The following ABCA1 variants were observed in gnomAD, a reference collection of about 807,000 sequenced individuals.
ABCA1 encodes the protein phospholipid-transporting ATPase ABCA1.
In ABCA1, 133 loss-of-function variants were observed where a neutral mutation model predicts 262.5. The observed-to-expected ratio is 0.51, with a 90% confidence interval of 0.44 to 0.59. The LOEUF is 0.59. Among genes scored for constraint, ABCA1 ranks in the 20% least tolerant of loss-of-function variants. The probability of loss-of-function intolerance (pLI) is 0.00; values close to 1 mark genes in which losing one functional copy is unlikely to be tolerated. For synonymous variants in ABCA1, 1,022 were observed against 1,043.5 expected (o/e 0.98, Z 0.40); for missense variants, 2,452 against 2,777.5 (o/e 0.88, Z 2.63).
At chr9:104,855,175 G>A (rs2119085087) in intron 7 of ABCA1, 1 of 984,804 alleles carries the variant, frequency 1.0e-6, no homozygotes, top group East Asian at 1.1e-4. Context: ...TTCTAACACT[G>A]ATCTACAGAA....
intron 1 of ABCA1, among the ~76,000 whole-genome samples, chr9:104,918,044 G>A (rs1841944309): frequency 6.6e-6 from 1 of 152,156 alleles, no homozygotes; most frequent in Non-Finnish European, 1.5e-5. Context: ...ACTTGAGTGG[G>A]CTGAAATGCT....
At chr9:104,786,704 G>A (rs529273603) in intron 47 of ABCA1, among the ~76,000 whole-genome samples, 169 bp downstream of exon 47, 2 of 152,332 alleles carry the variant, frequency 1.3e-5, no homozygotes, top group African/African-American at 4.8e-5. Flanking sequence ...AAAAAGAGCA[G>A]TATTTATACT....
chr9:104,823,227 T>C (rs1832527641), intron 18 of ABCA1, among the ~76,000 whole-genome samples: 1 of 152,160 alleles, frequency 6.6e-6, no homozygotes, highest in Non-Finnish European at 1.5e-5. Flanking sequence ...AGGGGTAGCA[T>C]GAAGGAGCTT....
chr9:104,922,249 A>C (rs1053119553), intron 1 of ABCA1, among the ~76,000 whole-genome samples: 1 of 152,244 alleles, frequency 6.6e-6, no homozygotes, highest in Non-Finnish European at 1.5e-5. Flanking sequence ...CTCTGGCCTC[A>C]AGTATTTCTA....
chr9:104,883,918 T>C (rs1225255162), intron 4 of ABCA1, among the ~76,000 whole-genome samples: 2 of 152,234 alleles, frequency 1.3e-5, no homozygotes, highest in Non-Finnish European at 2.9e-5. Flanking sequence ...AGGGGCAGCA[T>C]CCTGCTTTGC....
chr9:104,883,743 C>G (rs1181927050), intron 4 of ABCA1, among the ~76,000 whole-genome samples: 1 of 152,240 alleles, frequency 6.6e-6, no homozygotes, highest in African/African-American at 2.4e-5. Flanking sequence ...GCAGCTGCAG[C>G]TTCCTCAGGA....
At chr9:104,917,910 T>C (rs1213433303) in intron 1 of ABCA1, among the ~76,000 whole-genome samples, 17 of 152,212 alleles carry the variant, frequency 1.1e-4, no homozygotes, top group Admixed American at 1.1e-3. Context: ...GAAAAATAAT[T>C]TGTCTTCATC....
chr9:104,874,393 G>A (rs1003782086), intron 5 of ABCA1, among the ~76,000 whole-genome samples: 4 of 151,920 alleles, frequency 2.6e-5, no homozygotes, highest in South Asian at 2.1e-4. Flanking sequence ...GCAAAACCCC[G>A]TCTCTACTAA....
intron 9 of ABCA1, 82 bp downstream of exon 9, chr9:104,840,196 AG>A: frequency 3.1e-6 from 5 of 1,608,442 alleles, no homozygotes; most frequent in Non-Finnish European, 4.2e-6. Flanking sequence ...GCTGCTACAG[AG>A]GGAGGAGATG....
intron 5 of ABCA1, among the ~76,000 whole-genome samples, chr9:104,868,902 C>T (rs1055788321): frequency 6.0e-5 from 9 of 151,190 alleles, no homozygotes; most frequent in Admixed American, 1.3e-4. Flanking sequence ...GGGTATGACG[C>T]GGGGTGGGGG....
At chr9:104,850,265 G>A (rs974520796) in intron 7 of ABCA1, among the ~76,000 whole-genome samples, 17 of 152,134 alleles carry the variant, frequency 1.1e-4, no homozygotes, top group African/African-American at 2.7e-4. Context: ...GGGATTACAA[G>A]TGCACGCCAC....
rs1384274571 is a variant in ABCA1 at position 104,820,054 on chromosome 9, T to C, written c.2976A>G (p.Glu992=). ...TCAAGCGGGCATAGAACCAGATGTG[T>C]TCTTCGACAGTCAGCCTGGGGACAG... ...NVLFDMLTVE[E]HIWFYARLKG... Residue 992 remains glutamate (E), a synonymous_variant, in exon 21 of 50, where the codon GAA becomes GAG. Coordinates refer to ENST00000374736, the MANE Select transcript of ABCA1 (RefSeq NM_005502.4). 1 of 1,614,050 alleles carries C rather than the reference T, an allele frequency of 6.2e-7. No homozygotes were observed. The highest frequency in any genetic ancestry group is 1.3e-5 in the African/African-American group (1 of 74,920).
intron 1 of ABCA1, among the ~76,000 whole-genome samples, chr9:104,926,472 A>ACC: frequency 6.8e-6 from 1 of 147,356 alleles, no homozygotes; most frequent in Non-Finnish European, 1.5e-5. Context: ...CAAAAAAACA[A>ACC]AAAAAAAAAA....
intron 5 of ABCA1, among the ~76,000 whole-genome samples, chr9:104,878,025 C>T (rs560685756): frequency 1.4e-4 from 22 of 152,298 alleles, no homozygotes; most frequent in African/African-American, 5.3e-4. Context: ...TTCTCATCCA[C>T]GTACTGCCTA....
chr9:104,830,519 G>A (rs374638831), intron 14 of ABCA1, among the ~76,000 whole-genome samples: 7 of 151,948 alleles, frequency 4.6e-5, no homozygotes, highest in East Asian at 1.9e-4. Context: ...GTGAAACCTC[G>A]TCTCTACTAA....
intron 3 of ABCA1, among the ~76,000 whole-genome samples, chr9:104,885,599 CCT>C (rs1164583437): frequency 6.6e-6 from 1 of 152,166 alleles, no homozygotes; most frequent in African/African-American, 2.4e-5. Context: ...CTCTTGCTCT[CCT>C]CTTTCTTTCT....
At chr9:104,862,103 C>CT (rs553286875) in intron 5 of ABCA1, among the ~76,000 whole-genome samples, 6,002 of 143,090 alleles carry the variant, frequency 0.042, 400 homozygotes, top group African/African-American at 0.14. Context: ...CTTTCCTTTT[C>CT]TTTTTTTTTT....
chr9:104,858,012 A>G (rs903401922), intron 7 of ABCA1, among the ~76,000 whole-genome samples: 3 of 152,172 alleles, frequency 2.0e-5, no homozygotes. Context: ...TAGGCTGAAA[A>G]AACTTCGTCG....
intron 37 of ABCA1, among the ~76,000 whole-genome samples, chr9:104,797,088 C>T (rs911215509): frequency 6.6e-6 from 1 of 152,162 alleles, no homozygotes; most frequent in African/African-American, 2.4e-5. Context: ...ATGTGTTTAT[C>T]AACAACTTAG....
Sources: allele counts gnomAD v4.1 joint callset (sites outside exome capture counted in the v4.1 genomes callset), GRCh38; gene constraint gnomAD v4.1.1; transcripts MANE v1.5; gene names NCBI Gene and HGNC (gene_info 2026-07-23, HGNC 2026-07-21).